TMCC3: variants seen among roughly 807,000 people sequenced by gnomAD.
TMCC3 encodes the protein transmembrane and coiled-coil domain family 3.
A neutral mutation model predicts 40.2 loss-of-function variants in TMCC3; 28 were observed. That is an observed-to-expected ratio of 0.70 (90% CI 0.52 to 0.95). TMCC3 has a LOEUF of 0.95. Among genes scored for constraint, TMCC3 ranks in the 40% least tolerant of loss-of-function variants. The probability of loss-of-function intolerance (pLI) is 0.00; values close to 1 mark genes in which losing one functional copy is unlikely to be tolerated. For missense variants in TMCC3, 554 were observed against 615.2 expected (o/e 0.90, Z 1.05); for synonymous variants, 255 against 248.5 (o/e 1.03, Z -0.25).
chr12:94,574,559 A>G (rs2068552920), intron 3 of TMCC3, among the ~76,000 whole-genome samples: 1 of 152,206 alleles, frequency 6.6e-6, no homozygotes, highest in South Asian at 2.1e-4. Context: ...TTAAACAAGA[A>G]TAATGGCTCC....
intron 1 of TMCC3, among the ~76,000 whole-genome samples, chr12:94,623,494 T>C (rs1320283907): frequency 6.6e-6 from 1 of 152,238 alleles, no homozygotes; most frequent in Non-Finnish European, 1.5e-5. Flanking sequence ...CAACCAGCAC[T>C]TATTTCTGCT....
At chr12:94,632,773 C>T (rs573516396) in intron 1 of TMCC3, among the ~76,000 whole-genome samples, 1 of 152,228 alleles carries the variant, frequency 6.6e-6, no homozygotes, top group Non-Finnish European at 1.5e-5. Context: ...TAACATACAG[C>T]AGTAAAATAT....
Position 94,581,676 on chromosome 12 carries a change from T to A in TMCC3, c.941A>T (p.Gln314Leu). The change falls in exon 2 of 4, where the codon CAG (glutamine) becomes CTG (leucine). Residue 314 changes from glutamine (Q) to leucine (L), a missense_variant. By Grantham distance (113) the Gln-to-Leu change is moderately radical. Transcript: ENST00000261226. ...AATAAAACCATATTCTCTCTTAAACTGCACCTTCAGTGCCTCGATGTCCTC... is the reference window on the plus strand; with the variant it reads ...AATAAAACCATATTCTCTCTTAAACAGCACCTTCAGTGCCTCGATGTCCTC... Reference protein sequence around the residue: ...LAEDIEALKVQFKREYGFISQ... With the variant: ...LAEDIEALKVLFKREYGFISQ... 6.2e-7 allele frequency: 1 copy of A among 1,613,882 alleles called. No individual in the cohort carries two copies. The highest frequency in any genetic ancestry group is 1.1e-5 in the South Asian group (1 of 91,080).
At chr12:94,588,824 GATTT>G (rs755266142) in intron 1 of TMCC3, among the ~76,000 whole-genome samples, 3 of 102,096 alleles carry the variant, frequency 2.9e-5, no homozygotes, top group African/African-American at 1.4e-4. Context: ...ATCGGTATGA[GATTT>G]TTTTTTTTTT....
intron 1 of TMCC3, among the ~76,000 whole-genome samples, chr12:94,634,925 A>C (rs1487104925): frequency 1.3e-5 from 2 of 152,250 alleles, no homozygotes; most frequent in Admixed American, 1.3e-4. Flanking sequence ...GCACATGTAA[A>C]TAGCATATTC....
chr12:94,582,520 T>C lies in TMCC3; in HGVS notation c.97A>G (p.Asn33Asp), dbSNP rs1381391078. The C allele has an allele frequency of 1.2e-6, 2 of 1,606,548 alleles. No individual in the cohort carries two copies. Among genetic ancestry groups the C allele is most frequent in the South Asian group, 1.1e-5 (1 of 89,772 alleles). Residue 33 changes from asparagine (N) to aspartate (D), a missense_variant, in exon 2 of 4, where the codon AAT becomes GAT. By Grantham distance (23) the Asn-to-Asp change is conservative (BLOSUM62 1). Coordinates refer to ENST00000261226, the MANE Select transcript of TMCC3 (RefSeq NM_020698.4). The part of the protein sequence containing the change: ...CKSRVERHDM[N>D]TLSLPLNIRR... ...ATGTTCAGGGGCAGGCTTAAGGTAT[T>C]CATGTCATGACGTTCTACCTGAAAG...
At chr12:94,633,025 G>C (rs2068941655) in intron 1 of TMCC3, among the ~76,000 whole-genome samples, 2 of 152,128 alleles carry the variant, frequency 1.3e-5, no homozygotes, top group African/African-American at 4.8e-5. Context: ...AGAATCACTT[G>C]AACCTGAAAG....
Position 94,569,800 on chromosome 12 carries a change from T to C in TMCC3, c.*1635A>G, listed in dbSNP as rs1188670010. The stretch of plus-strand genomic sequence containing the variant: ...CTAAGAAGAGCTGTTTGCAAAATAT[T>C]GCACTTAATTTGAATCCAGGGGGAC... On this transcript the variant is annotated 3_prime_UTR_variant, in exon 4 of 4. Coordinates refer to ENST00000261226, the MANE Select transcript of TMCC3 (RefSeq NM_020698.4). 1 of 152,230 alleles carries C rather than the reference T, an allele frequency of 6.6e-6. No individual in the cohort carries two copies. The highest frequency in any genetic ancestry group is 2.4e-5 in the African/African-American group (1 of 41,444). 9.4% of individuals were successfully genotyped at this position (152,230 alleles called of 1,614,324 possible). A position where few individuals can be genotyped will look rare whatever the true frequency, so the allele number is the denominator to read the frequency against.
Position 94,582,105 on chromosome 12 carries a change from T to G in TMCC3, c.512A>C (p.His171Pro). 6.2e-7 allele frequency: 1 copy of G among 1,614,200 alleles called. No individual in the cohort carries two copies. The highest frequency in any genetic ancestry group is 1.1e-5 in the South Asian group (1 of 91,080). Residue 171 changes from histidine to proline, a missense_variant, in exon 2 of 4, where the codon CAC (histidine) becomes CCC (proline). Transcript: ENST00000261226. ...ATGGGGGGCAGTTCGAGATTTCACG[T>G]GGGCATCTTTCAAAGAGCGATGTAT... ...KDIHRSLKDA[H>P]VKSRTAPHCM...
chr12:94,588,905 C>A (rs1015845817), intron 1 of TMCC3, among the ~76,000 whole-genome samples: 1 of 151,348 alleles, frequency 6.6e-6, no homozygotes, highest in Non-Finnish European at 1.5e-5. Flanking sequence ...CTCACTGCAA[C>A]CTCCACCTCC....
intron 3 of TMCC3, among the ~76,000 whole-genome samples, chr12:94,577,039 G>A (rs2068569467): frequency 6.6e-6 from 1 of 152,048 alleles, no homozygotes; most frequent in South Asian, 2.1e-4. Flanking sequence ...CTGAGAAGTG[G>A]GGATAATAAC....
chr12:94,571,633 C>T lies in TMCC3; in HGVS notation c.1236G>A (p.Gly412=), dbSNP rs755026001. 3 of 1,614,196 alleles carry T rather than the reference C, an allele frequency of 1.9e-6. No homozygotes were observed. The highest frequency in any genetic ancestry group is 2.5e-6 in the Non-Finnish European group (3 of 1,180,026). Residue 412 remains glycine (G), a synonymous_variant, in exon 4 of 4, where the codon GGG becomes GGA. Transcript: ENST00000261226. ...AGGCCAGGATCACGTTGATGCACCTCCCCAGGAGAACTTTAGCATTCACGG... is the reference window on the plus strand; with the variant it reads ...AGGCCAGGATCACGTTGATGCACCTTCCCAGGAGAACTTTAGCATTCACGG... ...TDTVNAKVLL[G]RCINVILAFM...
chr12:94,577,382 G>T (rs963858235), intron 3 of TMCC3, among the ~76,000 whole-genome samples: 1 of 152,158 alleles, frequency 6.6e-6, no homozygotes, highest in East Asian at 1.9e-4. Context: ...TAGAGACGGG[G>T]TTTCACCTTG....
chr12:94,596,516 CAGCT>C (rs1318370946), intron 1 of TMCC3, among the ~76,000 whole-genome samples: 1 of 152,218 alleles, frequency 6.6e-6, no homozygotes, highest in Non-Finnish European at 1.5e-5. Flanking sequence ...CCCCCACGCC[CAGCT>C]AGGATTGACT....
chr12:94,642,471 C>A (rs1054951902), intron 1 of TMCC3, among the ~76,000 whole-genome samples: 2 of 152,238 alleles, frequency 1.3e-5, no homozygotes, highest in Admixed American at 6.5e-5. Context: ...CTTTAAACTG[C>A]CCTTTGTAAT....
At chr12:94,622,247 C>A (rs1181495905) in intron 1 of TMCC3, among the ~76,000 whole-genome samples, 1 of 152,078 alleles carries the variant, frequency 6.6e-6, no homozygotes, top group Non-Finnish European at 1.5e-5. Context: ...GAAACCAAAC[C>A]CCCCAAGCTT....
chr12:94,649,824 A>C (rs1293766796), intron 1 of TMCC3, among the ~76,000 whole-genome samples: 4 of 152,266 alleles, frequency 2.6e-5, no homozygotes, highest in Non-Finnish European at 4.4e-5. Context: ...GGCAGCGCAA[A>C]GATTCTGACT....
Position 94,650,367 on chromosome 12 carries a change from G to A in TMCC3, c.64C>T (p.Arg22Cys), listed in dbSNP as rs755651825. ...GCTGCGCTCACCCGGCTCTTGCAGC[G>A]GTGGTGCCGGCCGGGGTACGAGTAG... ...RTYSYPGRHH[R>C]CKSRVERHDM... Residue 22 changes from arginine (R) to cysteine (C), a missense_variant, in exon 1 of 4, where the codon CGC becomes TGC. By Grantham distance (180) the Arg-to-Cys change is radical. Coordinates refer to ENST00000261226, the MANE Select transcript of TMCC3 (RefSeq NM_020698.4). The A allele has an allele frequency of 1.3e-5, 17 of 1,338,580 alleles. No homozygotes were observed. In the African/African-American group the frequency reaches 2.4e-4, roughly 19 times the overall value. 82.9% of individuals were successfully genotyped at this position (1,338,580 alleles called of 1,614,324 possible).
chr12:94,587,781 C>T (rs766564553), intron 1 of TMCC3, among the ~76,000 whole-genome samples: 18 of 152,140 alleles, frequency 1.2e-4, no homozygotes, highest in Non-Finnish European at 2.4e-4. Context: ...GACCTTTGCA[C>T]CGTGGGGTTA....
Sources: gnomAD v4.1 joint callset for allele counts (sites outside exome capture counted in the v4.1 genomes callset) on GRCh38, gnomAD v4.1.1 for gene constraint, MANE v1.5 for transcripts, NCBI Gene and HGNC (gene_info 2026-07-23, HGNC 2026-07-21) for gene names.